Variants in PHF14 observed in about 807,000 individuals in gnomAD.
PHF14 encodes the protein PHD finger protein 14.
In PHF14, 55 loss-of-function variants were observed where a neutral mutation model predicts 117.9. That is an observed-to-expected ratio of 0.47 (90% CI 0.38 to 0.58). PHF14 has a LOEUF of 0.58. Ranked by LOEUF, PHF14 falls within the 20% of genes least tolerant of loss-of-function variation. PHF14 has a pLI of 0.00. For synonymous variants in PHF14, 409 were observed against 368.6 expected (o/e 1.11, Z -1.26); for missense variants, 978 against 1,122.2 (o/e 0.87, Z 1.84).
At chr7:11,063,599 T>TC in intron 16 of PHF14, 4 of 975,250 alleles carry the variant, frequency 4.1e-6, no homozygotes, top group Middle Eastern at 5.3e-4. Context: ...TTACTAATTT[T>TC]TTTTTTTTAA....
chr7:10,990,967 A>G, intron 4 of PHF14, 120 bp downstream of exon 4: 1 of 630,348 alleles, frequency 1.6e-6, no homozygotes, highest in Non-Finnish European at 2.6e-6. Flanking sequence ...TAAATCATCA[A>G]AGTATGGATG....
chr7:11,009,967 A>G (rs1783285806), intron 4 of PHF14, among the ~76,000 whole-genome samples: 1 of 152,146 alleles, frequency 6.6e-6, no homozygotes, highest in Admixed American at 6.5e-5. Flanking sequence ...TAAAAATATA[A>G]TTGAAAATTT....
intron 4 of PHF14, among the ~76,000 whole-genome samples, chr7:11,007,460 A>G (rs220089): frequency 0.55 from 84,116 of 151,816 alleles, 24,599 homozygotes; most frequent in Middle Eastern, 0.7. Flanking sequence ...AAGTTTCAAA[A>G]TGAATTTTTA....
rs367855064 is a variant in PHF14 at position 11,094,338 on chromosome 7, T to C, written c.2655-17012T>C. Among the ~76,000 whole-genome samples, 10 of 152,200 alleles carry C rather than the reference T, an allele frequency of 6.6e-5. 2 individuals carry two copies. Among genetic ancestry groups the C allele is most frequent in the Admixed American group, 5.9e-4 (9 of 15,282 alleles). The stretch of plus-strand genomic sequence containing the variant: ...CAAGGCTGGTTTCTTCTAGAGTGTT[T>C]GGGGGTAGAACCCATTTTCTTGCCT... On this transcript the variant is annotated intron_variant, in intron 16 of 17. Transcript: ENST00000634607.
chr7:10,974,827 C>T lies in PHF14; in HGVS notation c.2-8C>T. 3 of 1,469,760 alleles carry T rather than the reference C, an allele frequency of 2.0e-6. No homozygotes were observed. The highest frequency in any genetic ancestry group is 2.8e-6 in the Non-Finnish European group (3 of 1,069,316). 91.0% of individuals were successfully genotyped at this position (1,469,760 alleles called of 1,614,324 possible). On this transcript the variant is annotated splice_polypyrimidine_tract_variant and splice_region_variant and intron_variant, in intron 1 of 17. Coordinates refer to ENST00000634607, the MANE Select transcript of PHF14 (RefSeq NM_001007157.2). Reference sequence around the variant, plus strand: ...ATGAATGACAATGTAATTTTTTTCTCTTCACAGTGGATCGCAGCTCCAAGA... The same window carrying T: ...ATGAATGACAATGTAATTTTTTTCTTTTCACAGTGGATCGCAGCTCCAAGA...
In PHF14 at chr7:11,061,851, A is replaced by C. The variant is rs757399516; in HGVS notation, c.2532+10A>C. 1.3e-6 allele frequency: 2 copies of C among 1,532,448 alleles called. No individual in the cohort carries two copies. The highest frequency in any genetic ancestry group is 1.8e-6 in the Non-Finnish European group (2 of 1,139,654). The allele number at this position is 1,532,448 out of a possible 1,614,324, so 94.9% of individuals were successfully genotyped here. The stretch of plus-strand genomic sequence containing the variant: ...GGAAGAAAAACATGAGGTTGGAATA[A>C]GTTAAGCACTTTTACACAGTCTTAA... On this transcript the variant is annotated intron_variant, in intron 15 of 17. Coordinates refer to ENST00000634607, the MANE Select transcript of PHF14 (RefSeq NM_001007157.2).
At chr7:11,077,144 C>G (rs1200994842) in intron 16 of PHF14, among the ~76,000 whole-genome samples, 9 of 151,976 alleles carry the variant, frequency 5.9e-5, no homozygotes, top group Non-Finnish European at 1.3e-4. Context: ...TTATGGTCAT[C>G]TATTTACTAA....
intron 16 of PHF14, 57 bp downstream of exon 16, chr7:11,062,142 T>A: frequency 6.9e-7 from 1 of 1,443,196 alleles, no homozygotes; most frequent in Non-Finnish European, 9.4e-7. Flanking sequence ...ATTTATTTTC[T>A]CATCACAGAA....
At chr7:10,986,548 C>T (rs1399857085) in intron 3 of PHF14, among the ~76,000 whole-genome samples, 1 of 152,186 alleles carries the variant, frequency 6.6e-6, no homozygotes, top group Admixed American at 6.5e-5. Flanking sequence ...AGAACTGCTG[C>T]TCTAGAACTG....
rs116073268 is a variant in PHF14, at chr7:11,139,967, G to T, written c.2772+28500G>T. 7.8e-3 allele frequency among the ~76,000 whole-genome samples: 1,184 copies of T among 152,188 alleles called. 11 individuals are homozygous for T. Among genetic ancestry groups the T allele is most frequent in the African/African-American group, 0.027 (1,132 of 41,514 alleles). ...GGGAATGACCCAGCCTAACAGGCTG[G>T]TTTGTTGGAGCAGTAACTTCCAGAG... is the stretch of plus-strand genomic sequence containing the variant. On this transcript the variant is annotated intron_variant, in intron 17 of 17. Coordinates refer to ENST00000634607, the MANE Select transcript of PHF14 (RefSeq NM_001007157.2).
chr7:11,045,222 C>G (rs1784626083), intron 13 of PHF14, among the ~76,000 whole-genome samples: 1 of 152,156 alleles, frequency 6.6e-6, no homozygotes, highest in Non-Finnish European at 1.5e-5. Context: ...CTGATGTCTG[C>G]TTTAGACTCT....
rs144153293 is a variant in PHF14 at position 11,132,720 on chromosome 7, C to T, written c.2772+21253C>T. Among the ~76,000 whole-genome samples the T allele has an allele frequency of 3.1e-3, 467 of 151,818 alleles. 1 individual carries two copies. The highest frequency in any genetic ancestry group is 5.4e-3 in the South Asian group (26 of 4,826). Reference sequence around the variant, plus strand: ...TAATACCAACTTACATTCCTACTAACAGTGTACATGAGTTCCCCTTTTCTC... The same window carrying T: ...TAATACCAACTTACATTCCTACTAATAGTGTACATGAGTTCCCCTTTTCTC... On this transcript the variant is annotated intron_variant, in intron 17 of 17. Coordinates refer to ENST00000634607, the MANE Select transcript of PHF14 (RefSeq NM_001007157.2).
intron 16 of PHF14, chr7:11,102,864 C>T (rs1787138764): frequency 5.2e-6 from 6 of 1,151,418 alleles, no homozygotes; most frequent in Non-Finnish European, 3.2e-6. Context: ...ATGTCTTTCC[C>T]TCTTGCTTCT....
At chr7:11,000,739 TC>T (rs1334863983) in intron 4 of PHF14, among the ~76,000 whole-genome samples, 6 of 152,178 alleles carry the variant, frequency 3.9e-5, no homozygotes, top group Admixed American at 2.0e-4. Context: ...TTTTAAGAGT[TC>T]CTTGTATATT....
intron 4 of PHF14, among the ~76,000 whole-genome samples, chr7:11,000,874 A>C (rs954597334): frequency 3.3e-5 from 5 of 152,120 alleles, no homozygotes; most frequent in African/African-American, 9.7e-5. Flanking sequence ...AATGGAGTCC[A>C]ACTTATAAAT....
Position 11,037,075 on chromosome 7 carries a change from A to G in PHF14, c.1964A>G (p.His655Arg). Residue 655 changes from histidine (H) to arginine (R), a missense_variant, in exon 10 of 18, where the codon CAT becomes CGT. His to Arg is a conservative substitution (Grantham distance 29). Around this residue, in one of 7 missense-constraint regions of PHF14, gnomAD observed 237 missense variants for 276.4 expected, o/e 0.86. Transcript: ENST00000634607. ...DKLENEQEKL[H>R]VEYNKLCESL... ...TTAGAGAATGAACAAGAAAAGCTTCATGTAGAATATAATAAGGTAAGTTAG... is the reference window on the plus strand; with the variant it reads ...TTAGAGAATGAACAAGAAAAGCTTCGTGTAGAATATAATAAGGTAAGTTAG... The G allele has an allele frequency of 6.7e-7, 1 of 1,492,258 alleles. No individual in the cohort carries two copies. Among genetic ancestry groups the G allele is most frequent in the East Asian group, 2.4e-5 (1 of 41,796 alleles). The allele number at this position is 1,492,258 out of a possible 1,614,324, so 92.4% of individuals were successfully genotyped here. A position where few individuals can be genotyped will look rare whatever the true frequency, so the allele number is the denominator to read the frequency against.
chr7:11,043,993 A>C (rs555223972), intron 13 of PHF14, among the ~76,000 whole-genome samples: 2 of 152,254 alleles, frequency 1.3e-5, no homozygotes, highest in East Asian at 1.9e-4. Flanking sequence ...TGCAGCTAAA[A>C]AAAAACACAC....
intron 17 of PHF14, among the ~76,000 whole-genome samples, chr7:11,132,193 C>G (rs1788109175): frequency 6.6e-6 from 1 of 151,630 alleles, no homozygotes; most frequent in South Asian, 2.1e-4. Context: ...TATATTTTAT[C>G]TCTAGACCTT....
chr7:11,094,009 T>G (rs946253371), intron 16 of PHF14, among the ~76,000 whole-genome samples: 2 of 152,178 alleles, frequency 1.3e-5, no homozygotes, highest in African/African-American at 2.4e-5. Context: ...TTTACAGCCT[T>G]TCTTTTAATG....
Sources: allele counts gnomAD v4.1 joint callset (sites outside exome capture counted in the v4.1 genomes callset), GRCh38; gene constraint gnomAD v4.1.1; regional missense constraint gnomAD v4.1.1; transcripts MANE v1.5; gene names NCBI Gene and HGNC (gene_info 2026-07-23, HGNC 2026-07-21).